Variants in ABCD2 observed in about 807,000 individuals in gnomAD.
ABCD2 encodes ATP-binding cassette sub-family D member 2.
Under a neutral mutation model 70.9 loss-of-function variants are expected in ABCD2, and 36 were observed. The observed-to-expected ratio is 0.51, with a 90% CI of 0.39 to 0.67. The LOEUF is 0.67. Among genes scored for constraint, ABCD2 ranks in the 30% least tolerant of loss-of-function variants. The pLI is 0.00. For synonymous variants in ABCD2, 304 were observed against 306.9 expected (o/e 0.99, Z 0.10); for missense variants, 729 against 890.2 (o/e 0.82, Z 2.30).
chr12:39,542,881 A>G, the ABCD2 span, among the ~76,000 whole-genome samples: 5 of 152,230 alleles, frequency 3.3e-5, no homozygotes, highest in African/African-American at 9.6e-5. Context: ...TTCAGAGAGC[A>G]GGAAAAGTTT....
intron 6 of ABCD2, among the ~76,000 whole-genome samples, chr12:39,594,381 T>C (rs74088752): frequency 6.6e-6 from 1 of 152,152 alleles, no homozygotes; most frequent in African/African-American, 2.4e-5. Context: ...CACACACTAA[T>C]TGTTTGACAT....
intron 6 of ABCD2, among the ~76,000 whole-genome samples, chr12:39,594,744 C>T (rs1208003629): frequency 1.3e-5 from 2 of 152,070 alleles, no homozygotes; most frequent in Non-Finnish European, 2.9e-5. Flanking sequence ...GAGGCCAAGG[C>T]GGGTGGATCA....
At chr12:39,555,106 C>T (rs888639950) in intron 9 of ABCD2, among the ~76,000 whole-genome samples, 55 of 152,204 alleles carry the variant, frequency 3.6e-4, no homozygotes, top group Non-Finnish European at 6.5e-4. Context: ...TCTTAGCATA[C>T]TCACAAGCTC....
chr12:39,580,257 G>A (rs1164528596), intron 7 of ABCD2, among the ~76,000 whole-genome samples: 1 of 152,120 alleles, frequency 6.6e-6, no homozygotes, highest in Non-Finnish European at 1.5e-5. Context: ...TAATTCTTGT[G>A]ACATCTTGAG....
intron 9 of ABCD2, among the ~76,000 whole-genome samples, chr12:39,558,750 C>T (rs148593850): frequency 2.0e-5 from 3 of 152,114 alleles, no homozygotes; most frequent in Non-Finnish European, 2.9e-5. Context: ...AGCCTCTTTT[C>T]TTTATAAATT....
At chr12:39,609,121 G>A (rs1014809424) in intron 2 of ABCD2, among the ~76,000 whole-genome samples, 13 of 152,144 alleles carry the variant, frequency 8.5e-5, no homozygotes, top group African/African-American at 2.9e-4. Context: ...CTAGTATTCA[G>A]CACAGTGTCT....
intron 3 of ABCD2, 104 bp from the exon 4 acceptor site, chr12:39,605,034 A>G (rs1941951442): frequency 1.1e-6 from 1 of 885,776 alleles, no homozygotes. Context: ...AAAAGATTAT[A>G]TTGCATTATA....
chr12:39,556,713 A>G (rs1211065830), intron 9 of ABCD2, among the ~76,000 whole-genome samples: 1 of 152,166 alleles, frequency 6.6e-6, no homozygotes, highest in Non-Finnish European at 1.5e-5. Context: ...CAGGCCTAAC[A>G]TGGTGGCTCA....
chr12:39,613,760 G>A (rs1942079162), intron 2 of ABCD2, among the ~76,000 whole-genome samples: 1 of 152,176 alleles, frequency 6.6e-6, no homozygotes, highest in Non-Finnish European at 1.5e-5. Context: ...TAGACCAGAT[G>A]GCCTTTAAGC....
At chr12:39,605,991 T>G (rs1164103795) in intron 3 of ABCD2, among the ~76,000 whole-genome samples, 1 of 152,218 alleles carries the variant, frequency 6.6e-6, no homozygotes, top group African/African-American at 2.4e-5. Context: ...TATAGCTATT[T>G]AAATGATGAT....
chr12:39,588,866 T>A (rs1812816842), intron 6 of ABCD2, among the ~76,000 whole-genome samples: 1 of 152,132 alleles, frequency 6.6e-6, no homozygotes, highest in Admixed American at 6.5e-5. Context: ...TAAATAGACA[T>A]GGCAACTAAG....
At chr12:39,560,091 A>G (rs1351457403) in intron 9 of ABCD2, among the ~76,000 whole-genome samples, 1 of 152,136 alleles carries the variant, frequency 6.6e-6, no homozygotes, top group Non-Finnish European at 1.5e-5. Context: ...TACGTGTGCC[A>G]TGTTGGTGTG....
chr12:39,553,995 G>A lies in ABCD2; in HGVS notation c.2140C>T (p.Gln714Ter). 1.9e-6 allele frequency: 3 copies of A among 1,613,340 alleles called. No individual in the cohort carries two copies. The East Asian group carries it at 6.7e-5, about 36-fold the overall frequency. ...ESQLAGIPKM[Q>*]QRLNELCKIL... ...TTACATAGTTCATTGAGTCTCTGCT[G>A]CATTTTGGGAATTCCAGCTAGCTGA... Residue 714 changes from glutamine to a stop codon, truncating the protein, a stop_gained, in exon 10 of 10, where the codon CAG becomes TAG. Coordinates refer to ENST00000308666, the MANE Select transcript of ABCD2 (RefSeq NM_005164.4). LOFTEE classifies it high-confidence loss of function.
chr12:39,596,228 CT>C, intron 6 of ABCD2, among the ~76,000 whole-genome samples: 1 of 152,196 alleles, frequency 6.6e-6, no homozygotes. Flanking sequence ...TCCTGAATTA[CT>C]TTCAAAACTC....
chr12:39,538,167 C>CTT, the ABCD2 span, among the ~76,000 whole-genome samples: 768 of 142,784 alleles, frequency 5.4e-3, 30 homozygotes, highest in African/African-American at 0.018. Flanking sequence ...CATTTTCTTT[C>CTT]TTTCTTTTTT....
rs1025528002 is a variant in ABCD2 at position 39,553,812 on chromosome 12, C to T, written c.*100G>A. 2.3e-6 allele frequency: 2 copies of T among 881,414 alleles called. No individual in the cohort carries two copies. Among genetic ancestry groups the T allele is most frequent in the East Asian group, 2.7e-5 (1 of 37,122 alleles). The allele number at this position is 881,414 out of a possible 1,614,324, so 54.6% of individuals were successfully genotyped here. A position where few individuals can be genotyped will look rare whatever the true frequency, so the allele number is the denominator to read the frequency against. On this transcript the variant is annotated 3_prime_UTR_variant, in exon 10 of 10. Transcript: ENST00000308666. ...AATCTTATAAAACATGTCTTGCTGC[C>T]TTTTTTTCTCTGTGCTTAGCTTAAC...
At chr12:39,534,729 A>AGG in the ABCD2 span, among the ~76,000 whole-genome samples, 772 of 122,420 alleles carry the variant, frequency 6.3e-3, 10 homozygotes, top group African/African-American at 7.0e-3. Context: ...GAAGGAAGGA[A>AGG]AAGAAGGAAG....
intron 9 of ABCD2, among the ~76,000 whole-genome samples, chr12:39,560,795 A>C (rs1941245556): frequency 6.6e-6 from 1 of 152,166 alleles, no homozygotes; most frequent in South Asian, 2.1e-4. Flanking sequence ...TATAAGCCTC[A>C]TGGTAACCAT....
chr12:39,595,212 A>G (rs1591989349), intron 6 of ABCD2, among the ~76,000 whole-genome samples: 1 of 152,238 alleles, frequency 6.6e-6, no homozygotes, highest in East Asian at 1.9e-4. Flanking sequence ...GAAAATATTT[A>G]AGATCAAAAA....
Sources: gnomAD v4.1 joint callset for allele counts (sites outside exome capture counted in the v4.1 genomes callset) on GRCh38, gnomAD v4.1.1 for gene constraint, MANE v1.5 for transcripts, NCBI Gene and HGNC (gene_info 2026-07-23, HGNC 2026-07-21) for gene names.